The following IPO5 variants were observed in gnomAD, a reference collection of about 807,000 sequenced individuals.
IPO5 encodes the protein importin-5.
A neutral mutation model predicts 143.3 loss-of-function variants in IPO5; 18 were observed. The ratio of observed to expected loss-of-function variants is 0.13; its 90% CI spans 0.09 to 0.19. The LOEUF is 0.19. Ranked by LOEUF, IPO5 falls within the 10% of genes least tolerant of loss-of-function variation. The pLI, the probability that IPO5 is intolerant of heterozygous loss-of-function variation, is 1.00. For synonymous variants in IPO5, 477 were observed against 465.7 expected (o/e 1.02, Z -0.31); for missense variants, 1,013 against 1,336.9 (o/e 0.76, Z 3.78).
At chr13:97,987,841 CTTTCCA>C (rs1283765304) in intron 6 of IPO5, 1 of 163,308 alleles carries the variant, frequency 6.1e-6, no homozygotes, top group African/African-American at 2.4e-5. Context: ...GAAAATTCTA[CTTTCCA>C]GTTTTAAGTA....
chr13:97,968,980 C>T (rs537042358), intron 2 of IPO5, among the ~76,000 whole-genome samples: 6 of 151,960 alleles, frequency 3.9e-5, no homozygotes, highest in Non-Finnish European at 7.4e-5. Context: ...CCTGCCACTA[C>T]GCCTAGCTAA....
chr13:98,014,046 T>G lies in IPO5; in HGVS notation c.2157T>G (p.Val719=). The change falls in exon 22 of 29, where the codon GTT becomes GTG. Residue 719 remains valine (V), a synonymous_variant. Transcript: ENST00000651721. Reference sequence around the variant, plus strand: ...GAGGTTCCTTAACAATGAAACGTGTTCGAGTGGCAGCAGCGGAATCCATGC... The same window carrying G: ...GAGGTTCCTTAACAATGAAACGTGTGCGAGTGGCAGCAGCGGAATCCATGC... ...PLLKFYFHDG[V]RVAAAESMPL... The G allele has an allele frequency of 6.2e-7, 1 of 1,607,440 alleles. No individual in the cohort carries two copies. Among genetic ancestry groups the G allele is most frequent in the Non-Finnish European group, 8.5e-7 (1 of 1,178,172 alleles).
At position 98,021,859 on chromosome 13, in the gene IPO5, A is replaced by T; in HGVS notation, c.*37A>T. On this transcript the variant is annotated 3_prime_UTR_variant, in exon 29 of 29. Transcript: ENST00000651721. ...GTCACCCACCAGAAAACTAACTCCA[A>T]ATAAACGCTTACCCTTTCCTTTAGG... The T allele has an allele frequency of 2.2e-6, 3 of 1,389,360 alleles. No homozygotes were observed. The highest frequency in any genetic ancestry group is 3.0e-6 in the Non-Finnish European group (3 of 985,366). 86.1% of individuals were successfully genotyped at this position (1,389,360 alleles called of 1,614,324 possible). A position where few individuals can be genotyped will look rare whatever the true frequency, so the allele number is the denominator to read the frequency against.
intron 16 of IPO5, among the ~76,000 whole-genome samples, 197 bp downstream of exon 16, chr13:98,003,234 A>T (rs930292962): frequency 1.3e-5 from 2 of 152,228 alleles, no homozygotes; most frequent in African/African-American, 4.8e-5. Flanking sequence ...GATAATTGGA[A>T]TTGGGAAAGA....
chr13:97,993,066 C>G, intron 10 of IPO5, 39 bp from the exon 11 acceptor site: 1 of 1,611,944 alleles, frequency 6.2e-7, no homozygotes, highest in Non-Finnish European at 8.5e-7. Flanking sequence ...AGGGACTAAT[C>G]TAAATTATTA....
At chr13:97,986,750 A>G (rs1887388078) in intron 6 of IPO5, among the ~76,000 whole-genome samples, 1 of 152,230 alleles carries the variant, frequency 6.6e-6, no homozygotes. Flanking sequence ...AATCCTTTTT[A>G]GTCAACTAAA....
At chr13:98,007,352 A>G (rs1889352004) in intron 17 of IPO5, 1 of 152,176 alleles carries the variant, frequency 6.6e-6, no homozygotes, top group Non-Finnish European at 1.5e-5. Flanking sequence ...AGAGAAATCT[A>G]TGCATATAGA....
intron 7 of IPO5, among the ~76,000 whole-genome samples, 190 bp downstream of exon 7, chr13:97,989,354 T>C (rs1411027389): frequency 6.6e-6 from 1 of 152,208 alleles, no homozygotes; most frequent in Non-Finnish European, 1.5e-5. Context: ...TTATGATCTT[T>C]TTTGTACACA....
intron 3 of IPO5, among the ~76,000 whole-genome samples, chr13:97,970,734 A>G (rs1025665972): frequency 6.6e-6 from 1 of 152,268 alleles, no homozygotes; most frequent in Non-Finnish European, 1.5e-5. Context: ...ATTGAAAGCC[A>G]GAAATAGCCT....
Position 97,993,286 on chromosome 13 carries a change from C to T in IPO5, c.913+61C>T. 4 of 1,405,484 alleles carry T rather than the reference C, an allele frequency of 2.8e-6. 1 individual carries two copies. Among genetic ancestry groups the T allele is most frequent in the Admixed American group, 1.8e-5 (1 of 55,726 alleles). 87.1% of individuals were successfully genotyped at this position (1,405,484 alleles called of 1,614,324 possible). On this transcript the variant is annotated intron_variant, in intron 11 of 28. Transcript: ENST00000651721. ...GTGGCCAAATTTTTGGATAAATTTG[C>T]TGAGGGTTGTGTGATTTCTCAGATT...
intron 2 of IPO5, among the ~76,000 whole-genome samples, chr13:97,964,408 A>G (rs1195585941): frequency 2.7e-5 from 4 of 149,244 alleles, no homozygotes; most frequent in African/African-American, 9.8e-5. Context: ...TGTTTTCTGC[A>G]TATGACTAGC....
At chr13:97,985,669 T>G in intron 6 of IPO5, 56 bp downstream of exon 6, 1 of 1,194,198 alleles carries the variant, frequency 8.4e-7, no homozygotes, top group Non-Finnish European at 1.2e-6. Context: ...CTTCCTTTTT[T>G]TTTTTTTTAA....
At position 97,989,070 on chromosome 13, in the gene IPO5, G is replaced by T; in HGVS notation, c.373G>T (p.Gly125Cys). The part of the protein sequence containing the change: ...ELARNLIDED[G>C]NNQWPEGLKF... The stretch of plus-strand genomic sequence containing the variant: ...GATTTCTTTACTTTCAGATGAGGAT[G>T]GCAATAACCAGTGGCCCGAAGGTTT... Residue 125 changes from glycine to cysteine, a missense_variant, in exon 7 of 29, where the codon GGC becomes TGC. Gly to Cys is a radical substitution (Grantham distance 159, BLOSUM62 -3). Around this residue, in one of 2 missense-constraint regions of IPO5, gnomAD observed 328 missense variants for 342.0 expected, o/e 0.96. Coordinates refer to ENST00000651721, the MANE Select transcript of IPO5 (RefSeq NM_002271.6). The T allele has an allele frequency of 6.2e-7, 1 of 1,603,630 alleles. No homozygotes were observed. The highest frequency in any genetic ancestry group is 8.5e-7 in the Non-Finnish European group (1 of 1,170,854).
intron 12 of IPO5, among the ~76,000 whole-genome samples, chr13:97,998,963 T>C (rs1278554780): frequency 6.6e-6 from 1 of 152,098 alleles, no homozygotes; most frequent in Non-Finnish European, 1.5e-5. Flanking sequence ...ACCAACATGT[T>C]GAAACCCCGT....
chr13:97,980,826 CAAAAAA>C (rs374921610), intron 4 of IPO5, among the ~76,000 whole-genome samples: 12 of 108,802 alleles, frequency 1.1e-4, no homozygotes, highest in African/African-American at 3.9e-4. Context: ...GACTCTATCT[CAAAAAA>C]AAAAAAAAAA....
chr13:97,980,921 C>T lies in IPO5; in HGVS notation c.91-1582C>T, dbSNP rs375785167. Among the ~76,000 whole-genome samples the T allele has an allele frequency of 5.1e-4, 78 of 151,536 alleles. 1 individual carries two copies. The South Asian group carries it at 0.016, about 31-fold the overall frequency. On this transcript the variant is annotated intron_variant, in intron 4 of 28. Transcript: ENST00000651721. Reference sequence around the variant, plus strand: ...GATCACATTACCAGTGTTTAAGTGGCTAAGCTGGGTGCTTTTTATTGTATA... The same window carrying T: ...GATCACATTACCAGTGTTTAAGTGGTTAAGCTGGGTGCTTTTTATTGTATA...
At chr13:97,995,075 A>G (rs181236608) in intron 11 of IPO5, among the ~76,000 whole-genome samples, 6 of 151,504 alleles carry the variant, frequency 4.0e-5, no homozygotes, top group Non-Finnish European at 5.9e-5. Context: ...CCGTGAGCCA[A>G]GATTGCACCA....
intron 21 of IPO5, 61 bp downstream of exon 21, chr13:98,012,403 A>C: frequency 1.0e-6 from 1 of 983,350 alleles, no homozygotes; most frequent in Non-Finnish European, 1.6e-6. Flanking sequence ...AGTTTCTTGG[A>C]GTATTAGACA....
intron 2 of IPO5, among the ~76,000 whole-genome samples, chr13:97,963,517 G>T (rs905489486): frequency 1.3e-5 from 2 of 151,798 alleles, no homozygotes; most frequent in Non-Finnish European, 2.9e-5. Context: ...CTACAGGCAT[G>T]CACCCTCACG....
Sources: gnomAD v4.1 joint callset for allele counts (sites outside exome capture counted in the v4.1 genomes callset) on GRCh38, gnomAD v4.1.1 for gene constraint, gnomAD v4.1.1 regional missense constraint, MANE v1.5 for transcripts, NCBI Gene and HGNC (gene_info 2026-07-23, HGNC 2026-07-21) for gene names.